RPH3A: variants seen among roughly 807,000 people sequenced by gnomAD.
RPH3A encodes the protein rabphilin-3A.
A neutral mutation model predicts 102.2 loss-of-function variants in RPH3A; 48 were observed. The ratio of observed to expected loss-of-function variants is 0.47; its 90% CI spans 0.37 to 0.60. The LOEUF is 0.60. Ranked by LOEUF, RPH3A falls within the 20% of genes least tolerant of loss-of-function variation. RPH3A has a pLI of 0.00. For missense variants in RPH3A, 781 were observed against 910.1 expected, an observed-to-expected ratio of 0.86 and a Z score of 1.83; for synonymous variants, 310 against 324.3, an observed-to-expected ratio of 0.96 and a Z score of 0.47.
In RPH3A at chr12:112,621,867, G is replaced by C. The variant is rs1276393616; in HGVS notation, c.-140+46548G>C. Reference sequence around the variant, plus strand: ...AGCATGCAGCTGGAGATCTGAGAACGGGCAGACTGCCTCCTCAAGTGGGTC... The same window carrying C: ...AGCATGCAGCTGGAGATCTGAGAACCGGCAGACTGCCTCCTCAAGTGGGTC... On this transcript the variant is annotated intron_variant, in intron 1 of 21. Transcript: ENST00000543106. Among the ~76,000 whole-genome samples the C allele has an allele frequency of 2.4e-4, 36 of 150,392 alleles. 1 individual carries two copies. The highest frequency in any genetic ancestry group is 6.4e-4 in the South Asian group (3 of 4,696).
chr12:112,712,925 C>CTTCTTCTTCTTCTTCCTCTTCTTCTTCT (rs1565856803), intron 1 of RPH3A, among the ~76,000 whole-genome samples: 2 of 94,572 alleles, frequency 2.1e-5, no homozygotes, highest in African/African-American at 9.1e-5. Flanking sequence ...CTTCTTCTTC[C>CTTCTTCTTCTTCTTCCTCTTCTTCTTCT]TCTTCTTCTT....
rs993901041 is a variant in RPH3A at position 112,630,024 on chromosome 12, T to G, written c.-140+54705T>G. ...GACTCGGGTCCATTTGATGATCTAT[T>G]ACCACTCCCTTCAATGTGAAGTCCA... On this transcript the variant is annotated intron_variant, in intron 1 of 21. Transcript: ENST00000543106. Among the ~76,000 whole-genome samples the G allele has an allele frequency of 2.0e-5, 3 of 152,110 alleles. No individual in the cohort carries two copies. In the South Asian group the frequency reaches 6.2e-4, roughly 32 times the overall value.
chr12:112,684,568 G>A (rs770336879), intron 1 of RPH3A, among the ~76,000 whole-genome samples: 1 of 152,038 alleles, frequency 6.6e-6, no homozygotes, highest in Non-Finnish European at 1.5e-5. Flanking sequence ...ACACCTGGCC[G>A]AGAATATCTA....
chr12:112,736,228 C>T (rs999312831), intron 1 of RPH3A, among the ~76,000 whole-genome samples: 1 of 152,172 alleles, frequency 6.6e-6, no homozygotes, highest in Non-Finnish European at 1.5e-5. Flanking sequence ...GTGGCACTAC[C>T]CCCACCAGTT....
At chr12:112,853,459 A>G (rs1034672134) in intron 5 of RPH3A, among the ~76,000 whole-genome samples, 6 of 152,216 alleles carry the variant, frequency 3.9e-5, no homozygotes, top group African/African-American at 1.4e-4. Flanking sequence ...GTAGTACCTC[A>G]GTTTTCTCAG....
chr12:112,867,005 CT>C (rs1448090758), intron 7 of RPH3A, among the ~76,000 whole-genome samples, 165 bp downstream of exon 7: 3 of 152,148 alleles, frequency 2.0e-5, no homozygotes, highest in Non-Finnish European at 4.4e-5. Flanking sequence ...GCTTCTGTGA[CT>C]TTTTTTCTTC....
At chr12:112,619,447 C>T (rs1344297099) in intron 1 of RPH3A, among the ~76,000 whole-genome samples, 1 of 151,974 alleles carries the variant, frequency 6.6e-6, no homozygotes, top group Non-Finnish European at 1.5e-5. Context: ...TCATGCCCAG[C>T]TAATTTTGTA....
chr12:112,687,579 A>G (rs1039963949), intron 1 of RPH3A, among the ~76,000 whole-genome samples: 13 of 152,194 alleles, frequency 8.5e-5, no homozygotes, highest in African/African-American at 3.1e-4. Context: ...ACTGTCTACC[A>G]CGTGTGCTAT....
At chr12:112,822,028 G>A (rs1310665197) in intron 2 of RPH3A, among the ~76,000 whole-genome samples, 2 of 150,864 alleles carry the variant, frequency 1.3e-5, no homozygotes, top group South Asian at 2.1e-4. Flanking sequence ...CCTGGATTCT[G>A]TTCATGGACA....
chr12:112,801,746 G>A (rs1031822160), intron 2 of RPH3A, among the ~76,000 whole-genome samples: 3 of 151,980 alleles, frequency 2.0e-5, no homozygotes, highest in South Asian at 2.1e-4. Context: ...ATCCTTGCCC[G>A]CCTCTTCCTC....
At chr12:112,868,038 G>A (rs1161304431) in intron 7 of RPH3A, 1 of 170,830 alleles carries the variant, frequency 5.9e-6, no homozygotes, top group East Asian at 1.6e-4. Context: ...AGAGGTCTTG[G>A]GGAAGTTGTA....
intron 5 of RPH3A, among the ~76,000 whole-genome samples, chr12:112,852,663 G>A (rs1018552641): frequency 6.6e-6 from 1 of 152,158 alleles, no homozygotes; most frequent in Non-Finnish European, 1.5e-5. Context: ...GGCCAGAGGT[G>A]CCAGGCTAGA....
Position 112,879,185 on chromosome 12 carries a change from T to A in RPH3A, c.1238T>A (p.Ile413Asn), listed in dbSNP as rs940781093. Residue 413 changes from isoleucine (I) to asparagine (N), a missense_variant, in exon 14 of 22, where the codon ATC (isoleucine) becomes AAC (asparagine). Transcript: ENST00000389385. The stretch of plus-strand genomic sequence containing the variant: ...GACAACAGCTCCCTGCAGTGCACCA[T>A]CATTAAGGCCAAGGTGGGTGATGGG... ...DQDNSSLQCT[I>N]IKAKGLKPMD... 8.1e-6 allele frequency: 13 copies of A among 1,613,778 alleles called. No homozygotes were observed. Among genetic ancestry groups the A allele is most frequent in the Non-Finnish European group, 1.0e-5 (12 of 1,179,870 alleles).
At chr12:112,648,570 C>CTAAAAAA (rs2039949592) in intron 1 of RPH3A, among the ~76,000 whole-genome samples, 1 of 11,046 alleles carries the variant, frequency 9.1e-5, no homozygotes, top group Non-Finnish European at 1.5e-4. Flanking sequence ...CCCATCTCTA[C>CTAAAAAA]AAAAAAAAAA....
intron 2 of RPH3A, among the ~76,000 whole-genome samples, chr12:112,812,869 C>T (rs2041604098): frequency 6.6e-6 from 1 of 152,180 alleles, no homozygotes; most frequent in Admixed American, 6.5e-5. Flanking sequence ...CCAATGTATA[C>T]AAATTACTTA....
intron 1 of RPH3A, among the ~76,000 whole-genome samples, chr12:112,742,063 A>G (rs1447945292): frequency 6.6e-6 from 1 of 152,196 alleles, no homozygotes; most frequent in East Asian, 1.9e-4. Flanking sequence ...CACAGTCCTC[A>G]GTAAGACTTC....
intron 1 of RPH3A, among the ~76,000 whole-genome samples, chr12:112,738,280 C>T (rs2040683341): frequency 6.6e-6 from 1 of 152,012 alleles, no homozygotes; most frequent in Admixed American, 6.6e-5. Flanking sequence ...GCAGCCTCAA[C>T]CTCCTAGGCC....
At chr12:112,797,233 G>T (rs1196359043) in intron 2 of RPH3A, among the ~76,000 whole-genome samples, 1 of 152,178 alleles carries the variant, frequency 6.6e-6, no homozygotes, top group Non-Finnish European at 1.5e-5. Context: ...CTTGGTTAAA[G>T]AGCAGATGCT....
chr12:112,819,069 G>GTA (rs553777586), intron 2 of RPH3A, among the ~76,000 whole-genome samples: 22 of 150,848 alleles, frequency 1.5e-4, no homozygotes, highest in African/African-American at 2.2e-4. Flanking sequence ...ATATATGTGT[G>GTA]TATATATATA....
Sources: gnomAD v4.1 joint callset for allele counts (sites outside exome capture counted in the v4.1 genomes callset) on GRCh38, gnomAD v4.1.1 for gene constraint, MANE v1.5 for transcripts, NCBI Gene and HGNC (gene_info 2026-07-23, HGNC 2026-07-21) for gene names.